TRMT9B: variants seen among roughly 807,000 people sequenced by gnomAD.
The protein encoded by TRMT9B is probable tRNA methyltransferase 9B.
In TRMT9B, 16 loss-of-function variants were observed where a neutral mutation model predicts 11.5. That is an observed-to-expected ratio of 1.39 (90% CI 0.94 to 2.11). The LOEUF is 2.11. Among genes scored for constraint, TRMT9B ranks in the 30% most tolerant of loss-of-function variants. The probability of loss-of-function intolerance (pLI) is 0.00; values close to 1 mark genes in which losing one functional copy is unlikely to be tolerated. For missense variants in TRMT9B, 941 were observed against 553.8 expected (o/e 1.70, Z -7.02); for synonymous variants, 274 against 192.4 (o/e 1.42, Z -3.51).
chr8:12,996,044 G>C (rs79994527), intron 2 of TRMT9B, among the ~76,000 whole-genome samples: 2,363 of 152,220 alleles, frequency 0.016, 59 homozygotes, highest in African/African-American at 0.053. Context: ...GAGAATGAAG[G>C]TAAGCAGCAA....
At chr8:12,965,431 A>T (rs192875239) in intron 1 of TRMT9B, among the ~76,000 whole-genome samples, 1 of 152,330 alleles carries the variant, frequency 6.6e-6, no homozygotes, top group Admixed American at 6.5e-5. Context: ...TCAAGGGCTT[A>T]GCCAGAAGAC....
Position 13,016,274 on chromosome 8 carries a change from TATAA to T in TRMT9B, c.328+3421_328+3424del, listed in dbSNP as rs200739147. ...TAAATGTGAAATATATATTTATATA[TATAA>T]ATATATTTGTGTGTTTATATAACTA... On this transcript the variant is annotated intron_variant, in intron 4 of 4. Transcript: ENST00000524591. Among the ~76,000 whole-genome samples, 576 of 146,316 alleles carry T rather than the reference TATAA, an allele frequency of 3.9e-3. 6 individuals carry two copies. Among genetic ancestry groups the T allele is most frequent in the Non-Finnish European group, 6.9e-3 (462 of 66,620 alleles).
intron 1 of TRMT9B, chr8:12,952,117 C>G (rs763562103): frequency 1.6e-5 from 7 of 442,492 alleles, no homozygotes; most frequent in South Asian, 1.1e-4. Context: ...GCAAAAGCAG[C>G]TTTTGCCCCT....
At chr8:12,982,740 A>T (rs952837580) in intron 1 of TRMT9B, among the ~76,000 whole-genome samples, 2 of 152,152 alleles carry the variant, frequency 1.3e-5, no homozygotes, top group African/African-American at 4.8e-5. Context: ...CTGAAATTCC[A>T]AATCTGAAAT....
intron 2 of TRMT9B, among the ~76,000 whole-genome samples, chr8:12,997,773 G>T (rs1808629295): frequency 1.3e-5 from 2 of 152,122 alleles, no homozygotes. Context: ...TTAAGAGTGG[G>T]GTTGCTGGGC....
chr8:13,012,102 G>A (rs138333182), intron 3 of TRMT9B: 2 of 985,282 alleles, frequency 2.0e-6, no homozygotes, highest in East Asian at 2.3e-4. Flanking sequence ...ACGTGCCTTG[G>A]TTGCGCCAGT....
intron 3 of TRMT9B, among the ~76,000 whole-genome samples, chr8:13,008,263 C>T (rs1022393711): frequency 6.6e-6 from 1 of 152,230 alleles, no homozygotes; most frequent in Non-Finnish European, 1.5e-5. Context: ...AGAGACATCC[C>T]AGCCTTCTTA....
At chr8:12,990,185 T>C (rs760565164) in intron 1 of TRMT9B, among the ~76,000 whole-genome samples, 76 of 152,324 alleles carry the variant, frequency 5.0e-4, no homozygotes, top group Admixed American at 4.6e-4. Flanking sequence ...ACTTAGATTA[T>C]GGTCCATTCA....
chr8:13,009,542 T>G (rs566679744), intron 3 of TRMT9B, among the ~76,000 whole-genome samples: 1 of 152,200 alleles, frequency 6.6e-6, no homozygotes, highest in Non-Finnish European at 1.5e-5. Flanking sequence ...CTGACGCTGT[T>G]AGCTTCTTGT....
chr8:13,006,698 C>A, intron 3 of TRMT9B: 6 of 1,294,996 alleles, frequency 4.6e-6, no homozygotes, highest in Non-Finnish European at 5.9e-6. Flanking sequence ...GATGGAGTTT[C>A]ACTCTTGTCA....
At chr8:12,985,648 A>C (rs1329877492) in intron 1 of TRMT9B, among the ~76,000 whole-genome samples, 1 of 152,152 alleles carries the variant, frequency 6.6e-6, no homozygotes, top group Non-Finnish European at 1.5e-5. Flanking sequence ...GTAGCCTAGT[A>C]GGTGCTTAGT....
intron 3 of TRMT9B, among the ~76,000 whole-genome samples, chr8:13,008,490 A>G (rs1192862185): frequency 8.5e-5 from 13 of 152,198 alleles, no homozygotes; most frequent in Non-Finnish European, 1.5e-4. Context: ...AAGTCTAATA[A>G]TGACAATGCA....
At chr8:12,991,636 C>T (rs934852518) in intron 2 of TRMT9B, among the ~76,000 whole-genome samples, 1 of 151,994 alleles carries the variant, frequency 6.6e-6, no homozygotes, top group Non-Finnish European at 1.5e-5. Flanking sequence ...TAGATTGTAC[C>T]TATAATACAG....
At chr8:12,999,284 G>A (rs1228381761) in intron 2 of TRMT9B, among the ~76,000 whole-genome samples, 2 of 143,140 alleles carry the variant, frequency 1.4e-5, no homozygotes, top group African/African-American at 2.6e-5. Context: ...GGGTGACAGA[G>A]GGAGACTCCA....
chr8:12,990,893 T>C lies in TRMT9B; in HGVS notation c.-140T>C. ...TTTATCATGAGAAGGACCGCACTAT[T>C]TCATTTCACTCCTACAAGTTTTCAT... On this transcript the variant is annotated 5_prime_UTR_variant, in exon 2 of 5. Coordinates refer to ENST00000524591, the MANE Select transcript of TRMT9B (RefSeq NM_020844.3). The C allele has an allele frequency of 6.2e-6, 8 of 1,289,620 alleles. No homozygotes were observed. The highest frequency in any genetic ancestry group is 8.1e-6 in the Non-Finnish European group (8 of 988,642). 79.9% of individuals were successfully genotyped at this position (1,289,620 alleles called of 1,614,324 possible).
Position 13,023,379 on chromosome 8 carries a change from T to C in TRMT9B, c.*1335T>C, listed in dbSNP as rs1346322371. ...CTTTAAAATAGTATCTGGGCATTTA[T>C]TTTATTGAAGGTGACTACATTTTAT... On this transcript the variant is annotated 3_prime_UTR_variant, in exon 5 of 5. Coordinates refer to ENST00000524591, the MANE Select transcript of TRMT9B (RefSeq NM_020844.3). The C allele has an allele frequency of 6.0e-6, 1 of 167,112 alleles. No homozygotes were observed. Among genetic ancestry groups the C allele is most frequent in the Non-Finnish European group, 1.5e-5 (1 of 68,124 alleles). The allele number at this position is 167,112 out of a possible 1,614,324, so 10.4% of individuals were successfully genotyped here. A position where few individuals can be genotyped will look rare whatever the true frequency, so the allele number is the denominator to read the frequency against.
At chr8:12,997,964 T>C (rs2460893) in intron 2 of TRMT9B, among the ~76,000 whole-genome samples, 121,023 of 152,046 alleles carry the variant, frequency 0.8, 48,259 homozygotes, top group Middle Eastern at 0.86. Context: ...GGTGGGATCC[T>C]ATTGTGGCTT....
At chr8:12,957,468 A>AT (rs1428892711) in intron 1 of TRMT9B, among the ~76,000 whole-genome samples, 1 of 36,980 alleles carries the variant, frequency 2.7e-5, no homozygotes, top group Non-Finnish European at 6.1e-5. Context: ...GATTAGAGTA[A>AT]TTAAAAAAAT....
intron 1 of TRMT9B, among the ~76,000 whole-genome samples, chr8:12,984,749 A>T (rs17784220): frequency 0.31 from 47,098 of 151,582 alleles, 8,184 homozygotes; most frequent in Middle Eastern, 0.52. Context: ...ATTTTTCTTC[A>T]CTCTCGTGTT....
Sources: gnomAD v4.1 joint callset for allele counts (sites outside exome capture counted in the v4.1 genomes callset) on GRCh38, gnomAD v4.1.1 for gene constraint, MANE v1.5 for transcripts, NCBI Gene and HGNC (gene_info 2026-07-23, HGNC 2026-07-21) for gene names.